SOX5: variants seen among roughly 807,000 people sequenced by gnomAD.
The protein encoded by SOX5 is transcription factor SOX-5.
A neutral mutation model predicts 92.0 loss-of-function variants in SOX5; 9 were observed. That is an observed-to-expected ratio of 0.10 (90% CI 0.06 to 0.17). The LOEUF (loss-of-function observed/expected upper bound fraction) is 0.17, where lower values mean the gene tolerates loss of function less well. Ranked by LOEUF, SOX5 falls within the 10% of genes least tolerant of loss-of-function variation. SOX5 has a pLI of 1.00. For missense variants in SOX5, 642 were observed against 944.5 expected, an observed-to-expected ratio of 0.68 and a Z score of 4.20; for synonymous variants, 344 against 336.3, an observed-to-expected ratio of 1.02 and a Z score of -0.25.
At chr12:23,739,124 GT>G (rs543478042) in intron 5 of SOX5, among the ~76,000 whole-genome samples, 282 of 152,222 alleles carry the variant, frequency 1.9e-3, no homozygotes, top group African/African-American at 6.5e-3. Context: ...TGTTTAGAAG[GT>G]TTTACAGGGA....
intron 2 of SOX5, among the ~76,000 whole-genome samples, chr12:24,311,054 G>C (rs1406808503): frequency 6.6e-6 from 1 of 152,052 alleles, no homozygotes; most frequent in Non-Finnish European, 1.5e-5. Flanking sequence ...TAGGAAGCAT[G>C]GTCATAAAAA....
At chr12:24,220,419 G>C (rs1249728272) in intron 3 of SOX5, among the ~76,000 whole-genome samples, 1 of 149,428 alleles carries the variant, frequency 6.7e-6, no homozygotes, top group African/African-American at 2.6e-5. Context: ...AATATGCAAC[G>C]TTACAGTGCT....
At chr12:23,779,788 A>AAT (rs1172787679) in intron 3 of SOX5, among the ~76,000 whole-genome samples, 6,168 of 110,292 alleles carry the variant, frequency 0.056, 232 homozygotes, top group Middle Eastern at 0.089. Context: ...CACAGATTAA[A>AAT]ATATATATAT....
At chr12:23,806,835 C>T (rs2095787503) in intron 3 of SOX5, among the ~76,000 whole-genome samples, 1 of 152,122 alleles carries the variant, frequency 6.6e-6, no homozygotes, top group South Asian at 2.1e-4. Flanking sequence ...TTTCTTCATG[C>T]CTACAATAGG....
intron 1 of SOX5, among the ~76,000 whole-genome samples, chr12:24,379,191 C>T (rs1957575297): frequency 1.3e-5 from 2 of 152,144 alleles, no homozygotes; most frequent in Admixed American, 6.5e-5. Flanking sequence ...TAATGAGAGC[C>T]CCCTTTTAAA....
chr12:24,397,780 T>A (rs1235206081), intron 1 of SOX5, among the ~76,000 whole-genome samples: 1 of 152,068 alleles, frequency 6.6e-6, no homozygotes, highest in East Asian at 1.9e-4. Flanking sequence ...TAATGCTTTT[T>A]CCCCTACACT....
chr12:24,407,232 G>A (rs117742982), intron 1 of SOX5, among the ~76,000 whole-genome samples: 2 of 152,122 alleles, frequency 1.3e-5, no homozygotes, highest in Non-Finnish European at 2.9e-5. Flanking sequence ...ATAGATCGAG[G>A]TGTGCCCCGG....
chr12:23,671,900 A>AT (rs1215545260), intron 6 of SOX5, among the ~76,000 whole-genome samples: 1 of 152,072 alleles, frequency 6.6e-6, no homozygotes, highest in Non-Finnish European at 1.5e-5. Flanking sequence ...AGCCATGTGG[A>AT]TTTTTTACAT....
chr12:23,775,227 T>A (rs1042453279), intron 3 of SOX5, among the ~76,000 whole-genome samples: 1 of 152,236 alleles, frequency 6.6e-6, no homozygotes, highest in African/African-American at 2.4e-5. Context: ...TAATACTTAT[T>A]GACTGTTTAA....
At chr12:23,861,679 G>T (rs1462864897) in intron 2 of SOX5, among the ~76,000 whole-genome samples, 4 of 152,068 alleles carry the variant, frequency 2.6e-5, no homozygotes, top group Non-Finnish European at 5.9e-5. Context: ...ATGTTATAAA[G>T]CTACATTGTT....
At chr12:24,265,475 C>T (rs554356769) in intron 3 of SOX5, among the ~76,000 whole-genome samples, 8 of 152,170 alleles carry the variant, frequency 5.3e-5, no homozygotes, top group East Asian at 1.9e-4. Flanking sequence ...GTCCAGGAAG[C>T]GGAGATTGTA....
At chr12:24,401,551 C>T (rs1355132644) in intron 1 of SOX5, among the ~76,000 whole-genome samples, 2 of 150,864 alleles carry the variant, frequency 1.3e-5, no homozygotes, top group African/African-American at 4.9e-5. Context: ...CTCTACAAAA[C>T]ATTAAAAAAT....
chr12:23,831,789 C>T (rs1017634304), intron 3 of SOX5, among the ~76,000 whole-genome samples: 2 of 151,908 alleles, frequency 1.3e-5, no homozygotes, highest in Non-Finnish European at 2.9e-5. Flanking sequence ...AAGTCTAGTT[C>T]TAGTAGAAAC....
chr12:24,213,998 C>T (rs1475653151), intron 3 of SOX5, among the ~76,000 whole-genome samples: 1 of 151,526 alleles, frequency 6.6e-6, no homozygotes, highest in Non-Finnish European at 1.5e-5. Flanking sequence ...ATACTTTACG[C>T]AAAACATTCT....
At chr12:24,366,242 C>G (rs1271511146) in intron 2 of SOX5, among the ~76,000 whole-genome samples, 7 of 152,132 alleles carry the variant, frequency 4.6e-5, no homozygotes, top group Non-Finnish European at 8.8e-5. Context: ...AATGCAGCCT[C>G]TTTCAGTTAA....
chr12:23,594,150 T>C (rs1032264603), intron 9 of SOX5, among the ~76,000 whole-genome samples: 1 of 152,114 alleles, frequency 6.6e-6, no homozygotes, highest in Admixed American at 6.6e-5. Flanking sequence ...CTATCAACTG[T>C]ATGTGTTTTC....
chr12:23,592,390 C>T (rs776483844), intron 9 of SOX5, among the ~76,000 whole-genome samples: 4 of 152,156 alleles, frequency 2.6e-5, no homozygotes, highest in African/African-American at 4.8e-5. Flanking sequence ...CCAATGGAAT[C>T]AGCTAGTTCA....
rs79857838 is a variant in SOX5 at position 23,865,237 on chromosome 12, C to T, written c.271-19044G>A. Among the ~76,000 whole-genome samples the T allele has an allele frequency of 4.5e-3, 681 of 152,338 alleles. 4 individuals carry two copies. The highest frequency in any genetic ancestry group is 6.3e-3 in the Non-Finnish European group (426 of 68,034). ...AGATTCATTTAAAAATACTACTGCTCATTGACAACGCACCAAGTCACCCAG... is the reference window on the plus strand; with the variant it reads ...AGATTCATTTAAAAATACTACTGCTTATTGACAACGCACCAAGTCACCCAG... On this transcript the variant is annotated intron_variant, in intron 2 of 14. Coordinates refer to ENST00000451604, the MANE Select transcript of SOX5 (RefSeq NM_006940.6).
intron 1 of SOX5, among the ~76,000 whole-genome samples, chr12:24,387,241 C>G (rs1958511509): frequency 6.6e-6 from 1 of 152,220 alleles, no homozygotes; most frequent in Admixed American, 6.5e-5. Context: ...CCATCCTCCT[C>G]ACATATCAGT....
Sources: allele counts gnomAD v4.1 joint callset (sites outside exome capture counted in the v4.1 genomes callset), GRCh38; gene constraint gnomAD v4.1.1; transcripts MANE v1.5; gene names NCBI Gene and HGNC (gene_info 2026-07-23, HGNC 2026-07-21).